Variants in CRBN observed in about 807,000 individuals in gnomAD.
CRBN encodes cereblon, also known as protein cereblon.
In CRBN, 53 loss-of-function variants were observed where a neutral mutation model predicts 62.2. The observed-to-expected ratio is 0.85, with a 90% confidence interval of 0.68 to 1.07. The LOEUF is 1.07. Among genes scored for constraint, CRBN ranks in the 50% least tolerant of loss-of-function variants. The pLI, the probability that CRBN is intolerant of heterozygous loss-of-function variation, is 0.00. For synonymous variants in CRBN, 208 were observed against 176.1 expected, an observed-to-expected ratio of 1.18 and a Z score of -1.43; for missense variants, 616 against 531.1, an observed-to-expected ratio of 1.16 and a Z score of -1.57.
At chr3:3,174,509 T>C (rs951622012) in intron 2 of CRBN, among the ~76,000 whole-genome samples, 14 of 151,956 alleles carry the variant, frequency 9.2e-5, no homozygotes, top group Non-Finnish European at 2.9e-5. Context: ...GGTGTGGTGG[T>C]GGACACCTGT....
chr3:3,164,196 A>G (rs1707240820), intron 5 of CRBN, among the ~76,000 whole-genome samples: 1 of 152,226 alleles, frequency 6.6e-6, no homozygotes, highest in African/African-American at 2.4e-5. Flanking sequence ...TAAGTGCTCA[A>G]GTGAAAAGAA....
intron 6 of CRBN, 121 bp downstream of exon 6, chr3:3,156,098 T>C: frequency 1.2e-6 from 1 of 868,368 alleles, no homozygotes. Context: ...GCCACCACTC[T>C]TAACGATATC....
In CRBN at chr3:3,150,679, T is replaced by TTCCTAAAG; in HGVS notation, c.*178_*185dup. On this transcript the variant is annotated 3_prime_UTR_variant, in exon 11 of 11. Transcript: ENST00000231948. ...ATTCTAGACTGCCGTTCATGCTTGT[T>TTCCTAAAG]TCCTAAAGTATACTTAAAAGTTTCA... is the stretch of plus-strand genomic sequence containing the variant. 1 of 591,708 alleles carries TTCCTAAAG rather than the reference T, an allele frequency of 1.7e-6. No individual in the cohort carries two copies. Among genetic ancestry groups the TTCCTAAAG allele is most frequent in the Non-Finnish European group, 2.9e-6 (1 of 342,788 alleles). 36.7% of individuals were successfully genotyped at this position (591,708 alleles called of 1,614,324 possible). A position where few individuals can be genotyped will look rare whatever the true frequency, so the allele number is the denominator to read the frequency against.
At chr3:3,169,833 C>G (rs1023637679) in intron 4 of CRBN, among the ~76,000 whole-genome samples, 2 of 152,102 alleles carry the variant, frequency 1.3e-5, no homozygotes, top group South Asian at 2.1e-4. Context: ...TCCCCTCCTC[C>G]TCTCTACATG....
At chr3:3,173,214 C>T (rs570096141) in intron 3 of CRBN, among the ~76,000 whole-genome samples, 5 of 152,028 alleles carry the variant, frequency 3.3e-5, no homozygotes, top group East Asian at 1.9e-4. Flanking sequence ...CATACCACCA[C>T]GCCTGGCTAA....
At chr3:3,149,987 T>C (rs1706386182), downstream of CRBN, 1 of 152,196 alleles carries the variant, frequency 6.6e-6, no homozygotes, top group Non-Finnish European at 1.5e-5. Context: ...GTAGATATTT[T>C]ACATTATTTG....
intron 4 of CRBN, 100 bp downstream of exon 4, chr3:3,172,676 A>C (rs1281599118): frequency 5.7e-5 from 72 of 1,271,636 alleles, no homozygotes; most frequent in Non-Finnish European, 7.6e-5. Context: ...AACTAGTTAA[A>C]AGTTACAAAA....
chr3:3,167,177 C>T (rs895560163), intron 5 of CRBN, among the ~76,000 whole-genome samples: 8 of 152,168 alleles, frequency 5.3e-5, no homozygotes, highest in Non-Finnish European at 1.0e-4. Flanking sequence ...TCAATTTCTG[C>T]GATGTCAACT....
In CRBN at chr3:3,150,992, T is replaced by G. The variant is rs1238699276; in HGVS notation, c.1202A>C (p.Lys401Thr). The part of the protein sequence containing the change: ...CKICASHIGW[K>T]FTATKKDMSP... ...CATGTCTTTTTTGGTGGCCGTAAACTTCCATCCAATATGGCTTGCACAGAT... is the reference window on the plus strand; with the variant it reads ...CATGTCTTTTTTGGTGGCCGTAAACGTCCATCCAATATGGCTTGCACAGAT... The change falls in exon 11 of 11, where the codon AAG becomes ACG. Residue 401 changes from lysine (K) to threonine (T), a missense_variant. Transcript: ENST00000231948. 2 of 1,614,028 alleles carry G rather than the reference T, an allele frequency of 1.2e-6. No individual in the cohort carries two copies. The highest frequency in any genetic ancestry group is 2.2e-5 in the East Asian group (1 of 44,868).
Position 3,166,455 on chromosome 3 carries a change from C to T in CRBN, c.687+1179G>A, listed in dbSNP as rs1446041379. Reference sequence around the variant, plus strand: ...GTCTTGGTTATGTCTTTATCGGCAGCGTGAAAATGGACTAATACAGCTACA... The same window carrying T: ...GTCTTGGTTATGTCTTTATCGGCAGTGTGAAAATGGACTAATACAGCTACA... On this transcript the variant is annotated intron_variant, in intron 5 of 10. Transcript: ENST00000231948. Among the ~76,000 whole-genome samples, 9 of 151,980 alleles carry T rather than the reference C, an allele frequency of 5.9e-5. 1 individual carries two copies. The South Asian group carries it at 8.3e-4, about 14-fold the overall frequency.
rs989707179 is a variant in CRBN at position 3,179,483 on chromosome 3, C to G, written c.67+138G>C. The G allele has an allele frequency of 9.3e-6, 7 of 756,046 alleles. No individual in the cohort carries two copies. The South Asian group carries it at 1.1e-4, about 12-fold the overall frequency. The allele number at this position is 756,046 out of a possible 1,614,324, so 46.8% of individuals were successfully genotyped here. A position where few individuals can be genotyped will look rare whatever the true frequency, so the allele number is the denominator to read the frequency against. On this transcript the variant is annotated intron_variant, in intron 1 of 10. Coordinates refer to ENST00000231948, the MANE Select transcript of CRBN (RefSeq NM_016302.4). ...TCGCTGGCCGAGGGCCGACGTGAAGCAGCTTTCCGGTGCGGCCCTGCTGGG... is the reference window on the plus strand; with the variant it reads ...TCGCTGGCCGAGGGCCGACGTGAAGGAGCTTTCCGGTGCGGCCCTGCTGGG...
intron 4 of CRBN, chr3:3,172,505 C>T (rs950394275): frequency 2.2e-6 from 1 of 462,422 alleles, no homozygotes. Context: ...ATTAGAATCA[C>T]CTGAAAATCA....
chr3:3,154,518 T>C lies in CRBN; in HGVS notation c.835+229A>G, dbSNP rs561035340. The C allele has an allele frequency of 7.0e-5, 38 of 541,228 alleles. No individual in the cohort carries two copies. In the Admixed American group the frequency reaches 9.9e-4, roughly 14 times the overall value. 33.5% of individuals were successfully genotyped at this position (541,228 alleles called of 1,614,324 possible). A position where few individuals can be genotyped will look rare whatever the true frequency, so the allele number is the denominator to read the frequency against. ...CACTTCCTGCAATTTGAACTTTTTA[T>C]GGAAAACTTGTCTAAAATTGGAGTG... On this transcript the variant is annotated intron_variant, in intron 7 of 10. Transcript: ENST00000231948.
intron 4 of CRBN, 56 bp downstream of exon 4, chr3:3,172,719 GA>G (rs1197784647): frequency 2.6e-6 from 4 of 1,541,316 alleles, no homozygotes; most frequent in Non-Finnish European, 3.6e-6. Flanking sequence ...AAAAGTACAA[GA>G]AAACTATTTC....
intron 7 of CRBN, chr3:3,154,355 A>T (rs1179025199): frequency 2.1e-6 from 1 of 476,402 alleles, no homozygotes; most frequent in Non-Finnish European, 3.8e-6. Flanking sequence ...TAGAAAAATA[A>T]CTAAACTATA....
At chr3:3,152,684 A>C (rs960445334) in intron 9 of CRBN, 97 bp from the exon 10 acceptor site, 14 of 1,419,090 alleles carry the variant, frequency 9.9e-6, no homozygotes, top group Non-Finnish European at 1.4e-5. Context: ...GAAATGAGGT[A>C]TGAGCTATAC....
At chr3:3,154,209 C>A (rs559979836) in intron 7 of CRBN, 134 bp from the exon 8 acceptor site, 3 of 650,202 alleles carry the variant, frequency 4.6e-6, no homozygotes, top group African/African-American at 3.6e-5. Context: ...ATAAACAATA[C>A]AAAAATATAC....
At chr3:3,175,829 A>T (rs1707807433) in intron 1 of CRBN, among the ~76,000 whole-genome samples, 1 of 152,196 alleles carries the variant, frequency 6.6e-6, no homozygotes, top group South Asian at 2.1e-4. Context: ...AATTCCCATG[A>T]TTAGACTGAG....
chr3:3,179,623 G>A lies in CRBN; in HGVS notation c.65C>T (p.Pro22Leu), dbSNP rs760313831. 13 of 1,613,436 alleles carry A rather than the reference G, an allele frequency of 8.1e-6. No individual in the cohort carries two copies. Among genetic ancestry groups the A allele is most frequent in the African/African-American group, 1.3e-5 (1 of 74,926 alleles). ...AGGGAACTACTCCGGGCGGTTACCA[G>A]GCAGGAGCGGCAGGTGGTTGCCCAT... is the stretch of plus-strand genomic sequence containing the variant. ...HNMGNHLPLL[P>L]AESEEEDEME... is the part of the protein sequence containing the mutation. The change falls in exon 1 of 11, where the codon CCT becomes CTT. Residue 22 changes from proline to leucine, a missense_variant and splice_region_variant. By Grantham distance (98) the Pro-to-Leu change is moderately conservative. Transcript: ENST00000231948.
Sources: gnomAD v4.1 joint callset for allele counts (sites outside exome capture counted in the v4.1 genomes callset) on GRCh38, gnomAD v4.1.1 for gene constraint, MANE v1.5 for transcripts, NCBI Gene and HGNC (gene_info 2026-07-23, HGNC 2026-07-21) for gene names.